Variants in PRKG2 observed in about 807,000 individuals in gnomAD.
PRKG2 encodes cGMP-dependent protein kinase 2.
PRKG2 carries 33 observed loss-of-function variants against 97.2 expected under a neutral mutation model. The observed-to-expected ratio is 0.34, with a 90% CI of 0.26 to 0.45. The LOEUF (loss-of-function observed/expected upper bound fraction) is 0.45, where lower values mean the gene tolerates loss of function less well. PRKG2 is among the 20% of genes least tolerant of loss of function. The pLI is 1.00. For synonymous variants in PRKG2, 330 were observed against 321.8 expected (o/e 1.03, Z -0.27); for missense variants, 638 against 900.0 (o/e 0.71, Z 3.73).
At chr4:81,159,696 C>G (rs1487941052) in intron 6 of PRKG2, among the ~76,000 whole-genome samples, 2 of 151,908 alleles carry the variant, frequency 1.3e-5, no homozygotes, top group East Asian at 3.9e-4. Flanking sequence ...ATAGCAAAGA[C>G]TTAGAACCAA....
intron 17 of PRKG2, among the ~76,000 whole-genome samples, chr4:81,099,632 A>G (rs1347765263): frequency 6.6e-6 from 1 of 152,180 alleles, no homozygotes; most frequent in Non-Finnish European, 1.5e-5. Flanking sequence ...AACTGGAAGC[A>G]TTCCCTCTGA....
chr4:81,127,953 T>C (rs1022434576), intron 14 of PRKG2, among the ~76,000 whole-genome samples: 11 of 152,230 alleles, frequency 7.2e-5, no homozygotes, highest in Admixed American at 5.9e-4. Context: ...TTCAGTATGA[T>C]ATAGGCTGTG....
intron 1 of PRKG2, among the ~76,000 whole-genome samples, chr4:81,214,042 C>T (rs1035531311): frequency 6.6e-6 from 1 of 151,244 alleles, no homozygotes; most frequent in Non-Finnish European, 1.5e-5. Context: ...GTGGGATGAT[C>T]GCCTTCTTCA....
At chr4:81,216,611 G>A (rs1034796228), upstream of PRKG2, among the ~76,000 whole-genome samples, 23 of 152,088 alleles carry the variant, frequency 1.5e-4, no homozygotes, top group African/African-American at 5.3e-4. Flanking sequence ...TGAGGTCTGG[G>A]CTTTTAGCGC....
chr4:81,135,805 G>A (rs1015729073), intron 13 of PRKG2, among the ~76,000 whole-genome samples: 2 of 151,810 alleles, frequency 1.3e-5, no homozygotes, highest in East Asian at 3.9e-4. Context: ...CCCTCTGTCA[G>A]CACTGTGTGT....
chr4:81,090,450 T>C (rs971471957), intron 18 of PRKG2, among the ~76,000 whole-genome samples: 1 of 152,166 alleles, frequency 6.6e-6, no homozygotes, highest in African/African-American at 2.4e-5. Context: ...TCTTCTTCCA[T>C]TATATAAGTT....
At chr4:81,204,285 C>T (rs1753506105) in intron 2 of PRKG2, among the ~76,000 whole-genome samples, 1 of 151,332 alleles carries the variant, frequency 6.6e-6, no homozygotes, top group Non-Finnish European at 1.5e-5. Flanking sequence ...TAAGTTCACT[C>T]CTCTAGAAAA....
At chr4:81,206,825 T>C (rs1753702846) in intron 1 of PRKG2, among the ~76,000 whole-genome samples, 1 of 152,184 alleles carries the variant, frequency 6.6e-6, no homozygotes, top group African/African-American at 2.4e-5. Flanking sequence ...GCATCTAGAT[T>C]TCAAACAGAT....
chr4:81,172,571 T>C (rs1257688112), intron 3 of PRKG2, among the ~76,000 whole-genome samples: 1 of 152,180 alleles, frequency 6.6e-6, no homozygotes, highest in Non-Finnish European at 1.5e-5. Context: ...AGGCAGAAGT[T>C]TGCATCCCCT....
At chr4:81,115,223 C>A (rs1341767768) in intron 14 of PRKG2, among the ~76,000 whole-genome samples, 24 of 152,082 alleles carry the variant, frequency 1.6e-4, no homozygotes, top group Admixed American at 1.6e-3. Context: ...TATTGCCACC[C>A]CTTTGTATAA....
At chr4:81,173,697 G>C (rs1297792123) in intron 3 of PRKG2, 2 of 151,952 alleles carry the variant, frequency 1.3e-5, no homozygotes, top group Admixed American at 6.6e-5. Flanking sequence ...AATAATCAAC[G>C]TATATAAAAC....
At chr4:81,162,369 G>A (rs542422207) in intron 6 of PRKG2, among the ~76,000 whole-genome samples, 2 of 152,170 alleles carry the variant, frequency 1.3e-5, no homozygotes, top group East Asian at 1.9e-4. Flanking sequence ...AAAATAATCT[G>A]AGTGGAAGTG....
rs1741264457 is a variant in PRKG2, at chr4:81,088,293, G to A, written c.*1415C>T. On this transcript the variant is annotated 3_prime_UTR_variant, in exon 19 of 19. Coordinates refer to ENST00000264399, the MANE Select transcript of PRKG2 (RefSeq NM_006259.3). ...GCTTTTTTCTGGATGATGAAATTAT[G>A]AGTGGGGACTGGGTAGAGGTTCCTT... The A allele has an allele frequency of 1.3e-5, 2 of 152,138 alleles. No homozygotes were observed. The highest frequency in any genetic ancestry group is 4.8e-5 in the African/African-American group (2 of 41,444). 9.4% of individuals were successfully genotyped at this position (152,138 alleles called of 1,614,324 possible). A position where few individuals can be genotyped will look rare whatever the true frequency, so the allele number is the denominator to read the frequency against.
chr4:81,198,929 C>G (rs935831446), intron 2 of PRKG2, among the ~76,000 whole-genome samples: 12 of 152,280 alleles, frequency 7.9e-5, no homozygotes, highest in African/African-American at 2.4e-4. Flanking sequence ...AGATATATCA[C>G]CCAGTTACCT....
intron 6 of PRKG2, among the ~76,000 whole-genome samples, chr4:81,155,091 T>C (rs1483956600): frequency 1.4e-5 from 2 of 140,722 alleles, no homozygotes; most frequent in Non-Finnish European, 3.0e-5. Context: ...GGCAGGAGAA[T>C]GGCGTGAACC....
chr4:81,154,647 C>G (rs28860889), intron 6 of PRKG2, among the ~76,000 whole-genome samples: 11,215 of 149,642 alleles, frequency 0.075, 1,479 homozygotes, highest in African/African-American at 0.27. Flanking sequence ...ACCAAAAGTA[C>G]ATAAAACCAC....
At chr4:81,161,265 G>A (rs1982283) in intron 6 of PRKG2, among the ~76,000 whole-genome samples, 58,846 of 152,030 alleles carry the variant, frequency 0.39, 17,332 homozygotes, top group African/African-American at 0.81. Flanking sequence ...TTTGAAGCCA[G>A]ACAGGTCTAT....
chr4:81,199,751 G>A (rs756068417), intron 2 of PRKG2, among the ~76,000 whole-genome samples: 63 of 152,150 alleles, frequency 4.1e-4, no homozygotes, highest in Non-Finnish European at 7.4e-4. Flanking sequence ...GCTCAGTACT[G>A]CTTTGGAAAG....
At chr4:81,145,338 G>A (rs1747750783) in intron 9 of PRKG2, among the ~76,000 whole-genome samples, 1 of 152,132 alleles carries the variant, frequency 6.6e-6, no homozygotes, top group African/African-American at 2.4e-5. Flanking sequence ...GGTTACAGGG[G>A]TTACAGATTC....
Sources: allele counts gnomAD v4.1 joint callset (sites outside exome capture counted in the v4.1 genomes callset), GRCh38; gene constraint gnomAD v4.1.1; transcripts MANE v1.5; gene names NCBI Gene and HGNC (gene_info 2026-07-23, HGNC 2026-07-21).